The following NFE2L2 variants were observed in gnomAD, a reference collection of about 807,000 sequenced individuals.
NFE2L2 encodes the protein nuclear factor erythroid 2-related factor 2.
Under a neutral mutation model 49.6 loss-of-function variants are expected in NFE2L2, and 20 were observed. That is an observed-to-expected ratio of 0.40 (90% CI 0.28 to 0.59). The LOEUF is 0.59. Among genes scored for constraint, NFE2L2 ranks in the 20% least tolerant of loss-of-function variants. NFE2L2 has a pLI of 0.40. For synonymous variants in NFE2L2, 244 were observed against 256.5 expected (o/e 0.95, Z 0.47); for missense variants, 578 against 714.2 (o/e 0.81, Z 2.17).
intron 1 of NFE2L2, among the ~76,000 whole-genome samples, chr2:177,257,181 G>A (rs573187371): frequency 1.3e-5 from 2 of 152,366 alleles, no homozygotes; most frequent in South Asian, 2.1e-4. Context: ...GGAAGATAAT[G>A]AGGCCCAGGA....
At chr2:177,259,036 G>A (rs960318241) in intron 1 of NFE2L2, among the ~76,000 whole-genome samples, 1 of 152,218 alleles carries the variant, frequency 6.6e-6, no homozygotes, top group Non-Finnish European at 1.5e-5. Flanking sequence ...GAGGTCAGGC[G>A]CAGTGGCTCA....
In NFE2L2 at chr2:177,234,153, T is replaced by G. The variant is rs2105459034; in HGVS notation, c.164A>C (p.Glu55Ala). The G allele has an allele frequency of 1.2e-6, 2 of 1,614,200 alleles. No individual in the cohort carries two copies. Among genetic ancestry groups the G allele is most frequent in the Non-Finnish European group, 1.7e-6 (2 of 1,180,026 alleles). Residue 55 changes from glutamate (E) to alanine (A), a missense_variant, in exon 2 of 5, where the codon GAA becomes GCA. Around this residue, in one of 3 missense-constraint regions of NFE2L2, gnomAD observed 93 missense variants for 153.9 expected, o/e 0.60. Transcript: ENST00000397062. ...EYELEKQKKL[E>A]KERQEQLQKE... Reference sequence around the variant, plus strand: ...TTGGAGTTGTTCTTGTCTTTCCTTTTCAAGTTTTTTCTGTTTTTCCAGCTC... The same window carrying G: ...TTGGAGTTGTTCTTGTCTTTCCTTTGCAAGTTTTTTCTGTTTTTCCAGCTC...
intron 1 of NFE2L2, among the ~76,000 whole-genome samples, chr2:177,251,983 AGAGT>A (rs1191265111): frequency 1.4e-5 from 2 of 138,190 alleles, no homozygotes; most frequent in African/African-American, 5.5e-5. Flanking sequence ...CCTGGGCGAC[AGAGT>A]GAGACTCTGT....
rs540200956 is a variant in NFE2L2 at position 177,257,194 on chromosome 2, A to G, written c.45+7338T>C. Reference sequence around the variant, plus strand: ...GAGGAAGATAATGAGGCCCAGGAACACAGCTTCCTAGAGTAAGACAGTGTT... The same window carrying G: ...GAGGAAGATAATGAGGCCCAGGAACGCAGCTTCCTAGAGTAAGACAGTGTT... On this transcript the variant is annotated intron_variant, in intron 1 of 4. Coordinates refer to ENST00000397062, the MANE Select transcript of NFE2L2 (RefSeq NM_006164.5). 1.6e-3 allele frequency among the ~76,000 whole-genome samples: 247 copies of G among 152,360 alleles called. 1 individual carries two copies. Among genetic ancestry groups the G allele is most frequent in the African/African-American group, 5.7e-3 (239 of 41,576 alleles).
intron 1 of NFE2L2, among the ~76,000 whole-genome samples, chr2:177,251,749 T>C (rs1690347159): frequency 1.3e-5 from 2 of 152,142 alleles, no homozygotes. Context: ...CTCATGCCTG[T>C]AATCCCAGCA....
chr2:177,249,638 A>T lies in NFE2L2; in HGVS notation c.45+14894T>A, dbSNP rs1050455655. Among the ~76,000 whole-genome samples, 6 of 152,358 alleles carry T rather than the reference A, an allele frequency of 3.9e-5. No individual in the cohort carries two copies. In the South Asian group the frequency reaches 1.0e-3, roughly 26 times the overall value. ...ACAAAAAAATAAACAAGTGAATTTAATTTTAACAATATATTTATTTAACCC... is the reference window on the plus strand; with the variant it reads ...ACAAAAAAATAAACAAGTGAATTTATTTTTAACAATATATTTATTTAACCC... On this transcript the variant is annotated intron_variant, in intron 1 of 4. Coordinates refer to ENST00000397062, the MANE Select transcript of NFE2L2 (RefSeq NM_006164.5).
At chr2:177,247,996 C>T (rs1690196945) in intron 1 of NFE2L2, among the ~76,000 whole-genome samples, 1 of 152,298 alleles carries the variant, frequency 6.6e-6, no homozygotes, top group Non-Finnish European at 1.5e-5. Flanking sequence ...ACCCATCTAC[C>T]GGCTCCTTAA....
chr2:177,248,969 C>A (rs1690234646), intron 1 of NFE2L2, among the ~76,000 whole-genome samples: 1 of 152,052 alleles, frequency 6.6e-6, no homozygotes. Flanking sequence ...GTTATCCCAG[C>A]ACTTTGGGGG....
chr2:177,253,012 C>T (rs1199578775), intron 1 of NFE2L2, among the ~76,000 whole-genome samples: 1 of 152,206 alleles, frequency 6.6e-6, no homozygotes, highest in Non-Finnish European at 1.5e-5. Flanking sequence ...AAACAGTGCA[C>T]ATGAGCACTG....
At chr2:177,233,644 A>G (rs1163608744) in intron 2 of NFE2L2, 3 of 504,292 alleles carry the variant, frequency 5.9e-6, no homozygotes, top group East Asian at 3.5e-5. Flanking sequence ...ATCAGTCAGT[A>G]TATGTTCTTA....
Position 177,234,092 on chromosome 2 carries a change from T to C in NFE2L2, c.225A>G (p.Gln75=), listed in dbSNP as rs2105458623. 1 of 1,614,214 alleles carries C rather than the reference T, an allele frequency of 6.2e-7. No homozygotes were observed. Among genetic ancestry groups the C allele is most frequent in the Non-Finnish European group, 8.5e-7 (1 of 1,180,026 alleles). Residue 75 remains glutamine (Q), a synonymous_variant, in exon 2 of 5, where the codon CAA becomes CAG. Coordinates refer to ENST00000397062, the MANE Select transcript of NFE2L2 (RefSeq NM_006164.5). ...GAAATTCACCTGTCTCTTCATCTAG[T>C]TGTAACTGAGCGAAAAAGGCTTTCT... The part of the protein sequence containing the change: ...EQEKAFFAQL[Q]LDEETGEFLP...
At chr2:177,245,773 C>A (rs1690102528) in intron 1 of NFE2L2, among the ~76,000 whole-genome samples, 1 of 152,140 alleles carries the variant, frequency 6.6e-6, no homozygotes, top group Non-Finnish European at 1.5e-5. Flanking sequence ...CCATGCCCAG[C>A]TAATTTTTGT....
chr2:177,256,330 C>T (rs909806458), intron 1 of NFE2L2, among the ~76,000 whole-genome samples: 10 of 152,010 alleles, frequency 6.6e-5, no homozygotes, highest in East Asian at 1.9e-4. Flanking sequence ...TAATTTTATG[C>T]GGAAGCAGAG....
chr2:177,232,560 T>C lies in NFE2L2; in HGVS notation c.426A>G (p.Ser142=), dbSNP rs1191349657. 1.2e-6 allele frequency: 2 copies of C among 1,613,818 alleles called. No individual in the cohort carries two copies. The highest frequency in any genetic ancestry group is 1.3e-5 in the African/African-American group (1 of 74,892). The change falls in exon 4 of 5, where the codon TCA becomes TCG. Residue 142 remains serine, a synonymous_variant. Transcript: ENST00000397062. ...DNEVSSATFQ[S]LVPDIPGHIE... is the part of the protein sequence containing the mutation. ...TGTGACCGGGAATATCAGGAACAAG[T>C]GACTGAAACGTAGCCGAAGAAACCT...
intron 1 of NFE2L2, chr2:177,264,014 G>T (rs1327994256): frequency 2.2e-6 from 2 of 924,552 alleles, no homozygotes; most frequent in African/African-American, 3.6e-5. Context: ...TTGGGGCGCG[G>T]CGAAGGGGCT....
chr2:177,250,132 G>A (rs1461285403), intron 1 of NFE2L2, among the ~76,000 whole-genome samples: 1 of 152,204 alleles, frequency 6.6e-6, no homozygotes, highest in African/African-American at 2.4e-5. Flanking sequence ...GAATTACTAG[G>A]AAGGCTCATG....
Position 177,230,763 on chromosome 2 carries a change from A to AAAAGGTC in NFE2L2, c.*15_*21dup. Reference sequence around the variant, plus strand: ...TAATAGTACAAAAAAACTAGCTCAGAAAAGGTCAAATCCTCCTAAATCTAG... The same window carrying AAAAGGTC: ...TAATAGTACAAAAAAACTAGCTCAGAAAAGGTCAAAGGTCAAATCCTCCTAAATCTAG... On this transcript the variant is annotated 3_prime_UTR_variant, in exon 5 of 5. Coordinates refer to ENST00000397062, the MANE Select transcript of NFE2L2 (RefSeq NM_006164.5). 6.4e-7 allele frequency: 1 copy of AAAAGGTC among 1,552,696 alleles called. No individual in the cohort carries two copies. Among genetic ancestry groups the AAAAGGTC allele is most frequent in the Non-Finnish European group, 8.6e-7 (1 of 1,157,178 alleles).
chr2:177,231,301 A>G lies in NFE2L2; in HGVS notation c.1302T>C (p.Pro434=). ...NTPEKELPVS[P]GHRKTPFTKD... is the part of the protein sequence containing the mutation. ...TTGTGAATGGGGTTTTCCGATGACCAGGACTTACAGGCAATTCTTTCTCTG... is the reference window on the plus strand; with the variant it reads ...TTGTGAATGGGGTTTTCCGATGACCGGGACTTACAGGCAATTCTTTCTCTG... Residue 434 remains proline (P), a synonymous_variant, in exon 5 of 5, where the codon CCT becomes CCC. Coordinates refer to ENST00000397062, the MANE Select transcript of NFE2L2 (RefSeq NM_006164.5). 1 of 1,614,276 alleles carries G rather than the reference A, an allele frequency of 6.2e-7. No homozygotes were observed. The highest frequency in any genetic ancestry group is 8.5e-7 in the Non-Finnish European group (1 of 1,180,046).
chr2:177,238,811 G>C (rs1201651783), intron 1 of NFE2L2, among the ~76,000 whole-genome samples: 1 of 152,182 alleles, frequency 6.6e-6, no homozygotes, highest in Non-Finnish European at 1.5e-5. Context: ...AATAAAAAAG[G>C]ATTTTGATCT....
Sources: allele counts gnomAD v4.1 joint callset (sites outside exome capture counted in the v4.1 genomes callset), GRCh38; gene constraint gnomAD v4.1.1; regional missense constraint gnomAD v4.1.1; transcripts MANE v1.5; gene names NCBI Gene and HGNC (gene_info 2026-07-23, HGNC 2026-07-21).